EFCAB7: variants seen among roughly 807,000 people sequenced by gnomAD.
EFCAB7 encodes the protein EF-hand calcium binding domain 7, also known as EF-hand calcium-binding domain-containing protein 7.
EFCAB7 carries 66 observed loss-of-function variants against 77.1 expected under a neutral mutation model. The observed-to-expected ratio is 0.86, with a 90% CI of 0.70 to 1.05. EFCAB7 has a LOEUF of 1.05. EFCAB7 is among the 50% of genes least tolerant of loss of function. EFCAB7 has a pLI of 0.00. For synonymous variants in EFCAB7, 225 were observed against 243.3 expected (o/e 0.92, Z 0.70); for missense variants, 638 against 730.5 (o/e 0.87, Z 1.46).
rs142337731 is a variant in EFCAB7 at position 63,546,022 on chromosome 1, T to C, written c.911T>C (p.Leu304Pro). The C allele has an allele frequency of 1.0e-4, 164 of 1,613,678 alleles. No individual in the cohort carries two copies. The African/African-American group carries it at 1.8e-3, about 18-fold the overall frequency. ...MQIAQRSMVY[L>P]TIKPLNLSQV... The stretch of plus-strand genomic sequence containing the variant: ...ATAGCTCAGAGGTCCATGGTTTATC[T>C]AACAATTAAGCCATTAAACCTGAGT... The change falls in exon 7 of 14, where the codon CTA becomes CCA. Residue 304 changes from leucine to proline, a missense_variant. By Grantham distance (98) the Leu-to-Pro change is moderately conservative (BLOSUM62 -3). Coordinates refer to ENST00000371088, the MANE Select transcript of EFCAB7 (RefSeq NM_032437.4).
chr1:63,551,676 A>G, intron 7 of EFCAB7, 49 bp from the exon 8 acceptor site: 2 of 833,474 alleles, frequency 2.4e-6, no homozygotes, highest in Non-Finnish European at 1.8e-6. Context: ...GAAAGAATAG[A>G]TAGTGATTGC....
At chr1:63,549,698 C>T (rs1423634515) in intron 7 of EFCAB7, 3 of 281,058 alleles carry the variant, frequency 1.1e-5, no homozygotes, top group African/African-American at 4.6e-5. Context: ...TTTTATTTTA[C>T]ACATGTCAAG....
At chr1:63,553,043 A>G (rs572772683) in intron 8 of EFCAB7, among the ~76,000 whole-genome samples, 92 of 152,250 alleles carry the variant, frequency 6.0e-4, no homozygotes, top group African/African-American at 2.1e-3. Context: ...ATGAGTTTCT[A>G]TTTACCTCTT....
At chr1:63,564,353 A>G (rs1433581191) in intron 11 of EFCAB7, among the ~76,000 whole-genome samples, 1 of 152,310 alleles carries the variant, frequency 6.6e-6, no homozygotes, top group East Asian at 1.9e-4. Flanking sequence ...TTTAGATGTG[A>G]TAAGATTTTA....
At chr1:63,524,490 G>T (rs1646544025) in intron 1 of EFCAB7, among the ~76,000 whole-genome samples, 1 of 152,104 alleles carries the variant, frequency 6.6e-6, no homozygotes, top group African/African-American at 2.4e-5. Context: ...TATATAATTC[G>T]AAAAGGTGCA....
the EFCAB7 span, among the ~76,000 whole-genome samples, chr1:63,579,729 T>C: frequency 6.6e-6 from 1 of 152,228 alleles, no homozygotes; most frequent in Non-Finnish European, 1.5e-5. Context: ...GCGTTTTTTA[T>C]TTTAGCCATT....
chr1:63,582,729 C>T, the EFCAB7 span, among the ~76,000 whole-genome samples: 1 of 152,092 alleles, frequency 6.6e-6, no homozygotes. Flanking sequence ...CTCAGCCTCT[C>T]GAGTAGCTGG....
intron 3 of EFCAB7, 40 bp from the exon 4 acceptor site, chr1:63,532,630 A>T (rs1406168253): frequency 6.6e-7 from 1 of 1,513,098 alleles, no homozygotes; most frequent in East Asian, 2.3e-5. Flanking sequence ...CAAAGGAGTA[A>T]TCATGTTGCT....
rs1232191205 is a variant in EFCAB7, at chr1:63,572,619, C to G, written c.*103C>G. ...TTAACTGATGTACCTAAATAATAAT[C>G]TATTCAATTTATATGCATTTTCATT... On this transcript the variant is annotated 3_prime_UTR_variant, in exon 14 of 14. Transcript: ENST00000371088. The G allele has an allele frequency of 8.7e-7, 1 of 1,148,094 alleles. No homozygotes were observed. The highest frequency in any genetic ancestry group is 1.6e-5 in the African/African-American group (1 of 61,096). The allele number at this position is 1,148,094 out of a possible 1,614,324, so 71.1% of individuals were successfully genotyped here.
Position 63,572,489 on chromosome 1 carries a change from T to A in EFCAB7, c.1863T>A (p.Tyr621Ter). Residue 621 changes from tyrosine to a stop codon, truncating the protein, a stop_gained, in exon 14 of 14, where the codon TAT becomes TAA. Coordinates refer to ENST00000371088, the MANE Select transcript of EFCAB7 (RefSeq NM_032437.4). LOFTEE classifies it high-confidence loss of function. ...MPLNERQEWI[Y>*]YCIYSLIS ...TGAATGAACGACAAGAATGGATATA[T>A]TATTGTATATATTCTCTTATTTCTT... 1 of 1,541,414 alleles carries A rather than the reference T, an allele frequency of 6.5e-7. No individual in the cohort carries two copies. Among genetic ancestry groups the A allele is most frequent in the Non-Finnish European group, 8.8e-7 (1 of 1,136,992 alleles).
the EFCAB7 span, among the ~76,000 whole-genome samples, chr1:63,583,923 A>G: frequency 8.1e-5 from 12 of 147,458 alleles, no homozygotes; most frequent in Admixed American, 3.4e-4. Context: ...AAGAAATGAA[A>G]GACGTGGATA....
intron 2 of EFCAB7, among the ~76,000 whole-genome samples, chr1:63,526,638 CAT>C (rs890729160): frequency 6.6e-6 from 1 of 152,180 alleles, no homozygotes; most frequent in Admixed American, 6.5e-5. Context: ...TGCAAATGCA[CAT>C]GACTGACTTT....
At chr1:63,568,662 C>T (rs911719231) in intron 12 of EFCAB7, 143 bp downstream of exon 12, 1 of 595,706 alleles carries the variant, frequency 1.7e-6, no homozygotes, top group African/African-American at 2.0e-5. Context: ...TTTTTCTCCT[C>T]AGGTTTCTAA....
chr1:63,576,683 AT>A (rs1647429018), downstream of EFCAB7, among the ~76,000 whole-genome samples: 1 of 148,442 alleles, frequency 6.7e-6, no homozygotes, highest in African/African-American at 2.6e-5. Context: ...AAAAAAAAAA[AT>A]TAGCTGGGCG....
chr1:63,580,058 G>C, the EFCAB7 span, among the ~76,000 whole-genome samples: 3 of 152,266 alleles, frequency 2.0e-5, no homozygotes, highest in East Asian at 5.8e-4. Flanking sequence ...GAGAGTGAAA[G>C]TTTTACATTT....
rs565353851 is a variant in EFCAB7 at position 63,570,971 on chromosome 1, T to A, written c.1708-50T>A. 43 of 1,332,988 alleles carry A rather than the reference T, an allele frequency of 3.2e-5. No individual in the cohort carries two copies. The South Asian group carries it at 5.5e-4, about 17-fold the overall frequency. The allele number at this position is 1,332,988 out of a possible 1,614,324, so 82.6% of individuals were successfully genotyped here. On this transcript the variant is annotated intron_variant, in intron 12 of 13. Transcript: ENST00000371088. ...GTTTATTCTGAGGCTTATATTTGTC[T>A]GTAATTATTAAAGAAAGGAATAGCA...
chr1:63,533,668 A>G lies in EFCAB7; in HGVS notation c.682+19A>G. The G allele has an allele frequency of 6.6e-7, 1 of 1,506,970 alleles. No homozygotes were observed. Among genetic ancestry groups the G allele is most frequent in the South Asian group, 1.3e-5 (1 of 78,224 alleles). The allele number at this position is 1,506,970 out of a possible 1,614,324, so 93.3% of individuals were successfully genotyped here. ...AATAAAGGTATTTACTTTTAACACT[A>G]AGAATTTCTTGATCAGAAATGAAGA... is the stretch of plus-strand genomic sequence containing the variant. On this transcript the variant is annotated intron_variant, in intron 5 of 13. Transcript: ENST00000371088.
intron 11 of EFCAB7, among the ~76,000 whole-genome samples, chr1:63,565,066 G>C (rs1647153652): frequency 6.6e-6 from 1 of 152,212 alleles, no homozygotes; most frequent in Non-Finnish European, 1.5e-5. Flanking sequence ...ATTAACTAGG[G>C]CTGGGTGTGA....
At chr1:63,537,325 A>G (rs1178686699) in intron 6 of EFCAB7, among the ~76,000 whole-genome samples, 1 of 152,152 alleles carries the variant, frequency 6.6e-6, no homozygotes, top group African/African-American at 2.4e-5. Flanking sequence ...AATACTTCCT[A>G]TATTCAGATT....
Sources: gnomAD v4.1 joint callset for allele counts (sites outside exome capture counted in the v4.1 genomes callset) on GRCh38, gnomAD v4.1.1 for gene constraint, MANE v1.5 for transcripts, NCBI Gene and HGNC (gene_info 2026-07-23, HGNC 2026-07-21) for gene names.